The following FRMD6 variants were observed in gnomAD, a reference collection of about 807,000 sequenced individuals.
The protein encoded by FRMD6 is FERM domain-containing protein 6.
Under a neutral mutation model 73.2 loss-of-function variants are expected in FRMD6, and 37 were observed. That is an observed-to-expected ratio of 0.51 (90% CI 0.39 to 0.66). FRMD6 has a LOEUF of 0.66. Among genes scored for constraint, FRMD6 ranks in the 30% least tolerant of loss-of-function variants. The probability of loss-of-function intolerance (pLI) is 0.00; values close to 1 mark genes in which losing one functional copy is unlikely to be tolerated. For synonymous variants in FRMD6, 273 were observed against 282.2 expected, an observed-to-expected ratio of 0.97 and a Z score of 0.33; for missense variants, 714 against 780.5, an observed-to-expected ratio of 0.91 and a Z score of 1.02.
intron 2 of FRMD6, among the ~76,000 whole-genome samples, chr14:51,585,406 T>G (rs1055249194): frequency 6.6e-6 from 1 of 152,190 alleles, no homozygotes; most frequent in African/African-American, 2.4e-5. Flanking sequence ...ACAATTTAAG[T>G]GTTTACCCAA....
chr14:51,397,324 A>G, the FRMD6 span, among the ~76,000 whole-genome samples: 1 of 152,226 alleles, frequency 6.6e-6, no homozygotes, highest in African/African-American at 2.4e-5. Flanking sequence ...AGCCCTTTAC[A>G]TAAGGTATTT....
intron 2 of FRMD6, among the ~76,000 whole-genome samples, chr14:51,590,713 C>T (rs911925813): frequency 4.6e-5 from 7 of 152,146 alleles, no homozygotes; most frequent in African/African-American, 1.2e-4. Flanking sequence ...TTTTAAAATC[C>T]TGGTGGCTGT....
chr14:51,453,783 CTTTTAGACACAGTTAGGCTTGT>C, the FRMD6 span, among the ~76,000 whole-genome samples: 7 of 152,248 alleles, frequency 4.6e-5, no homozygotes, highest in Middle Eastern at 3.4e-3. Flanking sequence ...AAAAGTATTG[CTTTTAGACACAGTTAGGCTTGT>C]TTTTAGACAC....
At chr14:51,428,773 G>A in the FRMD6 span, among the ~76,000 whole-genome samples, 4 of 152,082 alleles carry the variant, frequency 2.6e-5, no homozygotes, top group Admixed American at 2.0e-4. Flanking sequence ...TGGGCTGCCT[G>A]ACTGCTTTTG....
chr14:51,652,547 C>G (rs11845396), intron 1 of FRMD6, among the ~76,000 whole-genome samples: 28,820 of 152,226 alleles, frequency 0.19, 2,815 homozygotes, highest in African/African-American at 0.25. Flanking sequence ...GCGCAGAGGC[C>G]GGACAGCCCG....
At chr14:51,443,942 A>AGTT in the FRMD6 span, among the ~76,000 whole-genome samples, 5 of 48,216 alleles carry the variant, frequency 1.0e-4, no homozygotes, top group African/African-American at 2.0e-4. Context: ...GCAAGTTGTG[A>AGTT]GTTTTTTTTT....
chr14:51,641,268 A>T (rs866085835), intron 2 of FRMD6, among the ~76,000 whole-genome samples: 20 of 152,180 alleles, frequency 1.3e-4, no homozygotes, highest in African/African-American at 3.6e-4. Flanking sequence ...GGTGTGAGCC[A>T]CCATGCCCTG....
At chr14:51,483,105 C>T in the FRMD6 span, among the ~76,000 whole-genome samples, 1 of 152,102 alleles carries the variant, frequency 6.6e-6, no homozygotes, top group East Asian at 1.9e-4. Flanking sequence ...ACTGGAATAC[C>T]TCTAGTGATA....
intron 1 of FRMD6, chr14:51,547,784 A>G (rs1020920369): frequency 2.0e-4 from 31 of 152,010 alleles, no homozygotes; most frequent in African/African-American, 7.0e-4. Context: ...TAAGAAGAGC[A>G]TTTATTTTAC....
chr14:51,693,232 G>A (rs1014923849), intron 2 of FRMD6, among the ~76,000 whole-genome samples: 1 of 152,098 alleles, frequency 6.6e-6, no homozygotes, highest in African/African-American at 2.4e-5. Flanking sequence ...ACGCTGCAGG[G>A]TGATTGTGAG....
At chr14:51,698,556 G>A (rs1279526567) in intron 3 of FRMD6, among the ~76,000 whole-genome samples, 3 of 152,020 alleles carry the variant, frequency 2.0e-5, no homozygotes, top group African/African-American at 7.2e-5. Flanking sequence ...CTTGCATTCA[G>A]GGAGCAGCTG....
At chr14:51,655,343 T>C (rs1892744949) in intron 1 of FRMD6, among the ~76,000 whole-genome samples, 1 of 152,208 alleles carries the variant, frequency 6.6e-6, no homozygotes. Flanking sequence ...TATGTCGTGA[T>C]TGTGTATAAA....
the FRMD6 span, chr14:51,397,279 C>T: frequency 1.3e-5 from 2 of 152,304 alleles, no homozygotes; most frequent in South Asian, 4.1e-4. Context: ...CATGCCCAGT[C>T]TGGAGGGAGT....
intron 2 of FRMD6, among the ~76,000 whole-genome samples, chr14:51,610,641 C>T (rs187411126): frequency 0.015 from 1,807 of 123,526 alleles, 35 homozygotes; most frequent in African/African-American, 0.043. Context: ...CCTAGGGTTC[C>T]ATCATAAAAT....
the FRMD6 span, among the ~76,000 whole-genome samples, chr14:51,396,832 C>T: frequency 6.6e-6 from 1 of 152,186 alleles, no homozygotes; most frequent in Non-Finnish European, 1.5e-5. Context: ...AGGGGCCTTA[C>T]TAATCAATTA....
At chr14:51,416,277 T>C in the FRMD6 span, among the ~76,000 whole-genome samples, 1 of 152,018 alleles carries the variant, frequency 6.6e-6, no homozygotes, top group African/African-American at 2.4e-5. Flanking sequence ...CCTGCTTTCT[T>C]TTGTGGGCAT....
intron 1 of FRMD6, among the ~76,000 whole-genome samples, chr14:51,533,037 G>A (rs1038183701): frequency 6.6e-6 from 1 of 152,188 alleles, no homozygotes; most frequent in Admixed American, 6.5e-5. Context: ...TCCAGAAAAT[G>A]TTATGTCCTA....
intron 1 of FRMD6, among the ~76,000 whole-genome samples, chr14:51,551,543 T>C (rs995529306): frequency 6.6e-6 from 1 of 152,132 alleles, no homozygotes; most frequent in African/African-American, 2.4e-5. Flanking sequence ...AAGACCAGCC[T>C]GAGCAACACA....
At chr14:51,429,808 G>C in the FRMD6 span, among the ~76,000 whole-genome samples, 1 of 152,130 alleles carries the variant, frequency 6.6e-6, no homozygotes, top group East Asian at 1.9e-4. Context: ...CCTTTCACTT[G>C]TGGGACTTTG....
Sources: gnomAD v4.1 joint callset for allele counts (sites outside exome capture counted in the v4.1 genomes callset) on GRCh38, gnomAD v4.1.1 for gene constraint, MANE v1.5 for transcripts, NCBI Gene and HGNC (gene_info 2026-07-23, HGNC 2026-07-21) for gene names.